Variants in SLCO1A2 observed in about 807,000 individuals in gnomAD.
The protein encoded by SLCO1A2 is OATP-1.
A neutral mutation model predicts 69.0 loss-of-function variants in SLCO1A2; 67 were observed. The observed-to-expected ratio is 0.97, with a 90% CI of 0.80 to 1.19. The LOEUF is 1.19. SLCO1A2 is among the 50% of genes most tolerant of loss of function. The pLI is 0.00. For synonymous variants in SLCO1A2, 260 were observed against 265.9 expected, an observed-to-expected ratio of 0.98 and a Z score of 0.22; for missense variants, 787 against 793.7, an observed-to-expected ratio of 0.99 and a Z score of 0.10.
intron 1 of SLCO1A2, among the ~76,000 whole-genome samples, chr12:21,410,905 A>G (rs890387892): frequency 6.6e-6 from 1 of 152,050 alleles, no homozygotes; most frequent in African/African-American, 2.4e-5. Context: ...CTGTTCATTT[A>G]TCTTGTCTGT....
At chr12:21,317,818 A>G (rs1449739110) in intron 3 of SLCO1A2, among the ~76,000 whole-genome samples, 1 of 152,192 alleles carries the variant, frequency 6.6e-6, no homozygotes, top group Admixed American at 6.5e-5. Context: ...AAGGAGTGAC[A>G]CTTATATTTC....
chr12:21,358,743 T>C (rs1314596423), intron 2 of SLCO1A2, among the ~76,000 whole-genome samples: 2 of 138,072 alleles, frequency 1.4e-5, no homozygotes, highest in Admixed American at 1.4e-4. Flanking sequence ...TAAAAAGCGG[T>C]TTGTTGGAGA....
chr12:21,330,338 A>AAAAT (rs151247881), intron 2 of SLCO1A2, among the ~76,000 whole-genome samples: 8,370 of 151,462 alleles, frequency 0.055, 756 homozygotes, highest in African/African-American at 0.19. Context: ...TAAATAATAC[A>AAAAT]AAATAAATAA....
intron 2 of SLCO1A2, among the ~76,000 whole-genome samples, chr12:21,361,124 G>A (rs541295786): frequency 6.6e-6 from 1 of 151,986 alleles, no homozygotes; most frequent in African/African-American, 2.4e-5. Context: ...GCCTAACTGG[G>A]AGGCACCTCC....
At chr12:21,358,602 A>G (rs767406027) in intron 2 of SLCO1A2, among the ~76,000 whole-genome samples, 110 of 152,120 alleles carry the variant, frequency 7.2e-4, no homozygotes, top group Non-Finnish European at 1.4e-3. Context: ...TGTGTCTTAT[A>G]TTTTATCACT....
At chr12:21,330,435 G>A (rs994554457) in intron 2 of SLCO1A2, among the ~76,000 whole-genome samples, 1 of 152,090 alleles carries the variant, frequency 6.6e-6, no homozygotes, top group African/African-American at 2.4e-5. Context: ...CTTGAGCCTG[G>A]GAGGTTGAGG....
chr12:21,315,424 GA>G (rs1190240669), intron 3 of SLCO1A2, among the ~76,000 whole-genome samples: 6 of 151,920 alleles, frequency 3.9e-5, no homozygotes, highest in Non-Finnish European at 7.4e-5. Context: ...ATAAAGATTT[GA>G]AAAAAACAAA....
rs189523200 is a variant in SLCO1A2 at position 21,407,688 on chromosome 12, C to T, written c.-312+10194G>A. ...TGGTAGTGAGTGCCTGTAGTCCCAG[C>T]TACTCCCTACTCAGGAGGCTGAGCT... On this transcript the variant is annotated intron_variant, in intron 1 of 4. Transcript: ENST00000413682. 2.0e-4 allele frequency among the ~76,000 whole-genome samples: 31 copies of T among 152,172 alleles called. No individual in the cohort carries two copies. In the East Asian group the frequency reaches 3.7e-3, roughly 18 times the overall value.
intron 1 of SLCO1A2, among the ~76,000 whole-genome samples, chr12:21,394,554 C>T (rs960778141): frequency 4.5e-5 from 4 of 89,382 alleles, no homozygotes; most frequent in Non-Finnish European, 7.5e-5. Flanking sequence ...AAATAACACA[C>T]GCACACACAC....
intron 5 of SLCO1A2, 39 bp from the exon 6 acceptor site, chr12:21,304,612 C>T (rs558543534): frequency 3.8e-5 from 58 of 1,539,922 alleles, no homozygotes; most frequent in African/African-American, 9.7e-5. Flanking sequence ...AGTGCTTTGA[C>T]GATAAAGTGT....
chr12:21,385,758 T>C (rs1002957237), intron 1 of SLCO1A2, among the ~76,000 whole-genome samples: 3 of 152,116 alleles, frequency 2.0e-5, no homozygotes, highest in African/African-American at 7.2e-5. Context: ...ACCTGGAGGA[T>C]GGGTAGAGGA....
chr12:21,379,058 G>C (rs1476984589), intron 1 of SLCO1A2: 1 of 152,242 alleles, frequency 6.6e-6, no homozygotes, highest in African/African-American at 2.4e-5. Flanking sequence ...CTGGGTGGCA[G>C]AGTGAGACTC....
chr12:21,327,850 G>A (rs1213921630), intron 2 of SLCO1A2, among the ~76,000 whole-genome samples: 1 of 152,148 alleles, frequency 6.6e-6, no homozygotes, highest in Admixed American at 6.5e-5. Flanking sequence ...GCGAAGGCAT[G>A]ATTGGTTTTG....
At chr12:21,277,872 G>T (rs371120355) in intron 12 of SLCO1A2, among the ~76,000 whole-genome samples, 1 of 152,134 alleles carries the variant, frequency 6.6e-6, no homozygotes, top group East Asian at 1.9e-4. Flanking sequence ...TACCAGGCCA[G>T]GGTCTGGTAA....
At chr12:21,272,919 C>G (rs1382904359) in intron 14 of SLCO1A2, among the ~76,000 whole-genome samples, 1 of 152,078 alleles carries the variant, frequency 6.6e-6, no homozygotes, top group African/African-American at 2.4e-5. Context: ...TTCTCAAGAA[C>G]TGTAAAAGAG....
intron 14 of SLCO1A2, chr12:21,273,951 CAAAG>C (rs1943343067): frequency 6.6e-6 from 1 of 151,986 alleles, no homozygotes; most frequent in African/African-American, 2.4e-5. Context: ...ATAGAAATAA[CAAAG>C]AGTTTTATTC....
Position 21,415,833 on chromosome 12 carries a change from G to T in SLCO1A2, c.-312+2049C>A, listed in dbSNP as rs1591923832. Reference sequence around the variant, plus strand: ...TTGTAAAATATTTTAATTCTAGAAAGTTAGCACTTTTCCATTACCCTCCTC... The same window carrying T: ...TTGTAAAATATTTTAATTCTAGAAATTTAGCACTTTTCCATTACCCTCCTC... On this transcript the variant is annotated intron_variant, in intron 1 of 4. Coordinates refer to the SLCO1A2 transcript ENST00000413682. 2.0e-5 allele frequency among the ~76,000 whole-genome samples: 3 copies of T among 152,022 alleles called. No individual in the cohort carries two copies. In the East Asian group the frequency reaches 5.8e-4, roughly 29 times the overall value.
intron 2 of SLCO1A2, among the ~76,000 whole-genome samples, chr12:21,321,566 A>G (rs1319551760): frequency 6.6e-6 from 1 of 152,212 alleles, no homozygotes. Context: ...AAGATGGTAA[A>G]CAAAGCCTCA....
intron 1 of SLCO1A2, among the ~76,000 whole-genome samples, chr12:21,384,173 C>T (rs1342651286): frequency 1.3e-5 from 2 of 151,798 alleles, no homozygotes; most frequent in Non-Finnish European, 2.9e-5. Flanking sequence ...TGGGTACTTT[C>T]TAAATTCATT....
Sources: gnomAD v4.1 joint callset for allele counts (sites outside exome capture counted in the v4.1 genomes callset) on GRCh38, gnomAD v4.1.1 for gene constraint, MANE v1.5 for transcripts, NCBI Gene and HGNC (gene_info 2026-07-23, HGNC 2026-07-21) for gene names.